RANBP2: variants seen among roughly 807,000 people sequenced by gnomAD.
RANBP2 encodes the protein E3 SUMO-protein ligase RanBP2.
Under a neutral mutation model 303.6 loss-of-function variants are expected in RANBP2, and 57 were observed. The observed-to-expected ratio is 0.19, with a 90% CI of 0.15 to 0.23. RANBP2 has a LOEUF of 0.23. RANBP2 is among the 10% of genes least tolerant of loss of function. RANBP2 has a pLI of 1.00. For synonymous variants in RANBP2, 1,167 were observed against 1,301.5 expected (o/e 0.90, Z 2.23); for missense variants, 3,138 against 3,780.8 (o/e 0.83, Z 4.46).
At chr2:109,585,260 G>C in the RANBP2 span, 3 of 1,612,822 alleles carry the variant, frequency 1.9e-6, no homozygotes, top group Non-Finnish European at 2.5e-6. Context: ...AGGATTCATA[G>C]TCTTCAAAAT....
At chr2:109,536,825 A>G in the RANBP2 span, among the ~76,000 whole-genome samples, 1 of 152,138 alleles carries the variant, frequency 6.6e-6, no homozygotes, top group African/African-American at 2.4e-5. Flanking sequence ...TCATGATAGT[A>G]AATAAGTGTC....
the RANBP2 span, among the ~76,000 whole-genome samples, chr2:109,138,830 T>C: frequency 2.6e-5 from 4 of 152,256 alleles, no homozygotes; most frequent in African/African-American, 9.6e-5. Flanking sequence ...ACATATGTAC[T>C]GACTGCCCAC....
At chr2:109,460,693 CAT>C in the RANBP2 span, among the ~76,000 whole-genome samples, 4,581 of 152,344 alleles carry the variant, frequency 0.03, 97 homozygotes, top group African/African-American at 0.052. Context: ...GGTCTTTTCA[CAT>C]GTGCTTTTCC....
the RANBP2 span, among the ~76,000 whole-genome samples, chr2:109,150,043 G>T: frequency 1.3e-5 from 2 of 152,208 alleles, no homozygotes; most frequent in Admixed American, 6.5e-5. Flanking sequence ...TCTGGGTGCA[G>T]CCTGGCATCA....
the RANBP2 span, among the ~76,000 whole-genome samples, chr2:109,264,819 C>T: frequency 6.6e-6 from 1 of 152,242 alleles, no homozygotes; most frequent in Non-Finnish European, 1.5e-5. Context: ...GCCGCACCCT[C>T]CTGAGGCTTT....
Position 108,763,871 on chromosome 2 carries a change from T to G in RANBP2, c.3332T>G (p.Phe1111Cys), listed in dbSNP as rs1457649715. 6.2e-7 allele frequency: 1 copy of G among 1,614,004 alleles called. No individual in the cohort carries two copies. The highest frequency in any genetic ancestry group is 8.5e-7 in the Non-Finnish European group (1 of 1,179,990). Residue 1111 changes from phenylalanine (F) to cysteine (C), a missense_variant, in exon 20 of 29, where the codon TTT (phenylalanine) becomes TGT (cysteine). Transcript: ENST00000283195. ...AGCAAAAATGTGTCTGGAATTTCAT[T>G]TACAGAAAACATGGGGTCGAGTCAG... is the stretch of plus-strand genomic sequence containing the variant. ...FGSKNVSGIS[F>C]TENMGSSQQK...
chr2:108,778,532 T>C (rs1245485494), intron 25 of RANBP2, among the ~76,000 whole-genome samples: 1 of 152,208 alleles, frequency 6.6e-6, no homozygotes, highest in Non-Finnish European at 1.5e-5. Flanking sequence ...TACAGTAACA[T>C]TACTGTAGGC....
At chr2:109,471,581 A>T in the RANBP2 span, among the ~76,000 whole-genome samples, 1 of 152,166 alleles carries the variant, frequency 6.6e-6, no homozygotes, top group Non-Finnish European at 1.5e-5. Context: ...CAGTGGCAAA[A>T]TTCATCATTG....
At chr2:109,093,247 A>C in the RANBP2 span, among the ~76,000 whole-genome samples, 1 of 152,174 alleles carries the variant, frequency 6.6e-6, no homozygotes, top group Non-Finnish European at 1.5e-5. Context: ...ATGGTGGCCC[A>C]GGTTCAATTC....
chr2:108,872,734 C>G, the RANBP2 span, among the ~76,000 whole-genome samples: 1 of 152,240 alleles, frequency 6.6e-6, no homozygotes, highest in South Asian at 2.1e-4. Flanking sequence ...TCTTAAAGGT[C>G]CCCACTCTTA....
chr2:109,154,147 T>A, the RANBP2 span, among the ~76,000 whole-genome samples: 1 of 152,178 alleles, frequency 6.6e-6, no homozygotes, highest in Admixed American at 6.5e-5. Context: ...AGCTTTGTCT[T>A]GGTTAGGGTT....
the RANBP2 span, among the ~76,000 whole-genome samples, chr2:109,090,032 C>A: frequency 1.6e-4 from 24 of 152,088 alleles, no homozygotes; most frequent in African/African-American, 4.8e-5. Flanking sequence ...AAACTGTTGC[C>A]CTCTCATAAT....
At chr2:109,400,230 A>G in the RANBP2 span, among the ~76,000 whole-genome samples, 1 of 152,136 alleles carries the variant, frequency 6.6e-6, no homozygotes, top group Admixed American at 6.5e-5. Flanking sequence ...ATGCACGCAC[A>G]CACACACATA....
At chr2:109,495,231 G>C in the RANBP2 span, among the ~76,000 whole-genome samples, 2 of 152,228 alleles carry the variant, frequency 1.3e-5, no homozygotes, top group African/African-American at 4.8e-5. Flanking sequence ...GGGAAATGCA[G>C]GCAGCAAATG....
At chr2:109,140,850 C>A in the RANBP2 span, among the ~76,000 whole-genome samples, 1 of 152,188 alleles carries the variant, frequency 6.6e-6, no homozygotes, top group East Asian at 1.9e-4. Context: ...CTATCAACAC[C>A]TACACAGTCT....
the RANBP2 span, among the ~76,000 whole-genome samples, chr2:109,221,694 C>T: frequency 6.6e-6 from 1 of 151,812 alleles, no homozygotes; most frequent in Non-Finnish European, 1.5e-5. Flanking sequence ...CTCTTCCTTT[C>T]CTTCCCCAAT....
the RANBP2 span, chr2:109,542,860 C>T: frequency 6.6e-6 from 1 of 152,570 alleles, no homozygotes; most frequent in African/African-American, 2.4e-5. Context: ...GAATCTGACA[C>T]AGACTAATAA....
chr2:109,737,456 G>C, the RANBP2 span: 1 of 636,516 alleles, frequency 1.6e-6, no homozygotes, highest in Non-Finnish European at 2.8e-6. Flanking sequence ...GTGCAACCAA[G>C]AGTGAACTTC....
chr2:109,549,833 A>C, the RANBP2 span, among the ~76,000 whole-genome samples: 2 of 152,226 alleles, frequency 1.3e-5, no homozygotes, highest in African/African-American at 4.8e-5. Flanking sequence ...CAATGTATGT[A>C]ATAAAAGTTG....
Sources: gnomAD v4.1 joint callset for allele counts (sites outside exome capture counted in the v4.1 genomes callset) on GRCh38, gnomAD v4.1.1 for gene constraint, MANE v1.5 for transcripts, NCBI Gene and HGNC (gene_info 2026-07-23, HGNC 2026-07-21) for gene names.